Variants in CENPP observed in about 807,000 individuals in gnomAD.
The protein encoded by CENPP is centromere protein P.
Under a neutral mutation model 35.6 loss-of-function variants are expected in CENPP, and 24 were observed. The ratio of observed to expected loss-of-function variants is 0.67; its 90% CI spans 0.49 to 0.95. CENPP has a LOEUF of 0.95. Ranked by LOEUF, CENPP falls within the 40% of genes least tolerant of loss-of-function variation. The pLI, the probability that CENPP is intolerant of heterozygous loss-of-function variation, is 0.00. For synonymous variants in CENPP, 120 were observed against 125.5 expected (o/e 0.96, Z 0.29); for missense variants, 332 against 345.3 (o/e 0.96, Z 0.31).
intron 5 of CENPP, among the ~76,000 whole-genome samples, chr9:92,411,644 T>G (rs1843447188): frequency 6.6e-6 from 1 of 152,206 alleles, no homozygotes; most frequent in African/African-American, 2.4e-5. Context: ...AGGCTGTTCT[T>G]TGAGAATTAA....
intron 5 of CENPP, among the ~76,000 whole-genome samples, chr9:92,578,765 A>G (rs1248890267): frequency 6.6e-6 from 1 of 151,506 alleles, no homozygotes. Flanking sequence ...GTTCACTCTG[A>G]TGGTAGTTTC....
At chr9:92,587,813 C>G (rs529132379) in intron 5 of CENPP, among the ~76,000 whole-genome samples, 9 of 152,170 alleles carry the variant, frequency 5.9e-5, no homozygotes, top group Non-Finnish European at 1.3e-4. Context: ...TAAATGTCAC[C>G]TAACTGATCA....
chr9:92,546,410 G>A (rs143410509), intron 5 of CENPP, among the ~76,000 whole-genome samples: 6,064 of 152,220 alleles, frequency 0.04, 184 homozygotes, highest in South Asian at 0.099. Context: ...TTGGGTCCAC[G>A]CTGACTTTAT....
intron 5 of CENPP, among the ~76,000 whole-genome samples, chr9:92,594,892 CTTTTTTTTTTTT>C (rs1213825480): frequency 2.9e-5 from 3 of 105,118 alleles, no homozygotes; most frequent in African/African-American, 1.1e-4. Flanking sequence ...GGTTGCTCTT[CTTTTTTTTTTTT>C]TTTTTTTTTG....
At chr9:92,511,972 G>A in intron 5 of CENPP, 1 of 1,456,724 alleles carries the variant, frequency 6.9e-7, no homozygotes, top group South Asian at 1.2e-5. Flanking sequence ...TCATAGTGAA[G>A]CCATTCATCC....
chr9:92,567,379 T>TAG lies in CENPP; in HGVS notation c.565-43934_565-43933insGA, dbSNP rs1000558894. Among the ~76,000 whole-genome samples the TAG allele has an allele frequency of 2.4e-3, 219 of 90,436 alleles. 1 individual carries two copies. Among genetic ancestry groups the TAG allele is most frequent in the Admixed American group, 7.8e-3 (76 of 9,798 alleles). The allele number at this position is 90,436 out of a possible 152,430, so 59.3% of individuals were successfully genotyped here. Reference sequence around the variant, plus strand: ...TATACAGTTACATAAGATAGATATATATATATATATATATATAGATATATA... The same window carrying TAG: ...TATACAGTTACATAAGATAGATATATAGATATATATATATATATAGATATATA... On this transcript the variant is annotated intron_variant, in intron 5 of 7. Transcript: ENST00000375587.
intron 5 of CENPP, among the ~76,000 whole-genome samples, chr9:92,453,874 A>G (rs1350793993): frequency 6.6e-6 from 1 of 151,936 alleles, no homozygotes; most frequent in Non-Finnish European, 1.5e-5. Flanking sequence ...AATCCCATCT[A>G]CTCTGGAGTC....
At chr9:92,443,702 C>G (rs1433882396) in intron 5 of CENPP, among the ~76,000 whole-genome samples, 1 of 151,992 alleles carries the variant, frequency 6.6e-6, no homozygotes, top group Admixed American at 6.6e-5. Context: ...CTCTGTCCCC[C>G]AGGCTGGAGT....
chr9:92,496,420 A>G (rs202159188), intron 5 of CENPP: 1 of 1,610,070 alleles, frequency 6.2e-7, no homozygotes, highest in East Asian at 2.2e-5. Context: ...TTTCAAGATG[A>G]AGATGTTCCA....
chr9:92,512,752 C>T (rs1847431820), intron 5 of CENPP, among the ~76,000 whole-genome samples: 1 of 152,188 alleles, frequency 6.6e-6, no homozygotes, highest in African/African-American at 2.4e-5. Flanking sequence ...GGAAAGTGAG[C>T]ATACCAGTAG....
intron 5 of CENPP, chr9:92,393,389 C>G: frequency 1.7e-6 from 1 of 600,906 alleles, no homozygotes; most frequent in East Asian, 2.9e-5. Context: ...CATGGTAACT[C>G]GTTACCTATA....
intron 5 of CENPP, chr9:92,500,849 G>A: frequency 2.5e-6 from 4 of 1,614,180 alleles, no homozygotes; most frequent in Non-Finnish European, 3.4e-6. Context: ...ATGCCCCATA[G>A]AAGGAGACAC....
intron 5 of CENPP, chr9:92,457,442 T>C: frequency 6.2e-7 from 1 of 1,613,382 alleles, no homozygotes; most frequent in Non-Finnish European, 8.5e-7. Flanking sequence ...ACAGAAGTCA[T>C]TTACTCCCAC....
Position 92,522,981 on chromosome 9 carries a change from G to A in CENPP, c.565-88333G>A, listed in dbSNP as rs1848171510. 2.8e-5 allele frequency: 35 copies of A among 1,270,688 alleles called. No homozygotes were observed. The South Asian group carries it at 5.2e-4, about 19-fold the overall frequency. 78.7% of individuals were successfully genotyped at this position (1,270,688 alleles called of 1,614,324 possible). ...ATATATTTGCTTGTATGCCTCAGTAGGCAAGTCTTTGAGAAATTACACTTA... is the reference window on the plus strand; with the variant it reads ...ATATATTTGCTTGTATGCCTCAGTAAGCAAGTCTTTGAGAAATTACACTTA... On this transcript the variant is annotated intron_variant, in intron 5 of 7. Coordinates refer to ENST00000375587, the MANE Select transcript of CENPP (RefSeq NM_001012267.3).
At chr9:92,361,357 T>C (rs2130833687) in intron 4 of CENPP, among the ~76,000 whole-genome samples, 1 of 151,894 alleles carries the variant, frequency 6.6e-6, no homozygotes, top group East Asian at 2.0e-4. Context: ...GCCAGGCTGG[T>C]CTCGAACCCC....
chr9:92,578,715 A>G (rs368601589), intron 5 of CENPP, among the ~76,000 whole-genome samples: 1 of 151,774 alleles, frequency 6.6e-6, no homozygotes, highest in Non-Finnish European at 1.5e-5. Context: ...TTGTCAGATG[A>G]GTAGGTTGCG....
chr9:92,560,137 C>T (rs1849816062), intron 5 of CENPP, among the ~76,000 whole-genome samples: 1 of 152,106 alleles, frequency 6.6e-6, no homozygotes, highest in African/African-American at 2.4e-5. Flanking sequence ...CAGCCAGACC[C>T]TGTCTCTAAA....
intron 5 of CENPP, chr9:92,470,881 T>A (rs1482761305): frequency 1.3e-6 from 1 of 762,194 alleles, no homozygotes; most frequent in African/African-American, 1.8e-5. Flanking sequence ...ATGATTATCA[T>A]CAAGTTACAG....
chr9:92,615,225 G>A lies in CENPP; in HGVS notation c.*2076G>A, dbSNP rs1469606945. On this transcript the variant is annotated 3_prime_UTR_variant, in exon 8 of 8. Transcript: ENST00000375587. ...TGAGCCTTGCGCTCCCTGCTGCCCT[G>A]TGTGGAACTGTGGGCTTCAGCACCT... The A allele has an allele frequency of 6.5e-6, 1 of 153,676 alleles. No homozygotes were observed. Among genetic ancestry groups the A allele is most frequent in the Admixed American group, 6.5e-5 (1 of 15,422 alleles). The allele number at this position is 153,676 out of a possible 1,614,324, so 9.5% of individuals were successfully genotyped here.
Sources: allele counts gnomAD v4.1 joint callset (sites outside exome capture counted in the v4.1 genomes callset), GRCh38; gene constraint gnomAD v4.1.1; transcripts MANE v1.5; gene names NCBI Gene and HGNC (gene_info 2026-07-23, HGNC 2026-07-21).